SAMD4A: variants seen among roughly 807,000 people sequenced by gnomAD.
The protein encoded by SAMD4A is sterile alpha motif domain containing 4A.
SAMD4A carries 33 observed loss-of-function variants against 81.3 expected under a neutral mutation model. That is an observed-to-expected ratio of 0.41 (90% CI 0.31 to 0.54). The LOEUF (loss-of-function observed/expected upper bound fraction) is 0.54. Among genes scored for constraint, SAMD4A ranks in the 20% least tolerant of loss-of-function variants. SAMD4A has a pLI of 0.37. For missense variants in SAMD4A, 854 were observed against 951.1 expected, an observed-to-expected ratio of 0.90 and a Z score of 1.34; for synonymous variants, 389 against 382.1, an observed-to-expected ratio of 1.02 and a Z score of -0.21.
intron 2 of SAMD4A, among the ~76,000 whole-genome samples, chr14:54,658,715 C>G (rs1253552489): frequency 2.6e-5 from 4 of 152,206 alleles, no homozygotes; most frequent in Non-Finnish European, 5.9e-5. Context: ...CTCCGAATAC[C>G]GTGTCCACTG....
chr14:54,596,807 C>T (rs980495837), intron 2 of SAMD4A, among the ~76,000 whole-genome samples: 2 of 152,078 alleles, frequency 1.3e-5, no homozygotes, highest in Admixed American at 1.3e-4. Context: ...GGCAGCCTCC[C>T]AGGGCACACA....
intron 4 of SAMD4A, among the ~76,000 whole-genome samples, chr14:54,745,209 C>G (rs2037937848): frequency 6.6e-6 from 1 of 152,220 alleles, no homozygotes; most frequent in African/African-American, 2.4e-5. Flanking sequence ...TTCTGCTACT[C>G]AGGTTTCAGC....
chr14:54,654,176 G>C (rs1258340365), intron 2 of SAMD4A, among the ~76,000 whole-genome samples: 2 of 152,142 alleles, frequency 1.3e-5, no homozygotes, highest in African/African-American at 4.8e-5. Context: ...ACCCAAGCTT[G>C]AGCTCTTTCC....
At chr14:54,659,960 A>G (rs2035602854) in intron 2 of SAMD4A, among the ~76,000 whole-genome samples, 1 of 152,182 alleles carries the variant, frequency 6.6e-6, no homozygotes, top group Admixed American at 6.5e-5. Flanking sequence ...GCATGCCTGT[A>G]ATCCCAGCTA....
At chr14:54,734,628 A>G (rs574570710) in intron 3 of SAMD4A, among the ~76,000 whole-genome samples, 51 of 152,314 alleles carry the variant, frequency 3.3e-4, no homozygotes, top group African/African-American at 1.2e-3. Flanking sequence ...TCCAATCTCA[A>G]TAGCCAGTGA....
intron 2 of SAMD4A, among the ~76,000 whole-genome samples, chr14:54,572,824 T>C (rs1395476786): frequency 6.6e-6 from 1 of 152,238 alleles, no homozygotes; most frequent in African/African-American, 2.4e-5. Context: ...TGCCTTTAAT[T>C]AATATAGAAT....
At chr14:54,664,582 C>T (rs879620752) in intron 2 of SAMD4A, among the ~76,000 whole-genome samples, 19 of 152,010 alleles carry the variant, frequency 1.2e-4, no homozygotes, top group Admixed American at 1.2e-3. Context: ...CTCCCCACTT[C>T]CTTCTCTTCC....
chr14:54,595,000 A>T (rs1362926109), intron 2 of SAMD4A, among the ~76,000 whole-genome samples: 1 of 152,218 alleles, frequency 6.6e-6, no homozygotes, highest in Non-Finnish European at 1.5e-5. Flanking sequence ...GCAATGTGAA[A>T]TCCCATTTTA....
intron 2 of SAMD4A, among the ~76,000 whole-genome samples, chr14:54,620,545 G>C (rs553216842): frequency 6.6e-6 from 1 of 152,268 alleles, no homozygotes; most frequent in African/African-American, 2.4e-5. Context: ...GATTTATATG[G>C]CTCTGGCTCT....
In SAMD4A at chr14:54,718,496, C is replaced by T. The variant is rs191573520; in HGVS notation, c.715+15916C>T. Reference sequence around the variant, plus strand: ...AAATAGTGTGACTCTTAGTAAAAGGCCTGCTGAAACTCTTTGACCCAGATT... The same window carrying T: ...AAATAGTGTGACTCTTAGTAAAAGGTCTGCTGAAACTCTTTGACCCAGATT... On this transcript the variant is annotated intron_variant, in intron 3 of 12. Transcript: ENST00000554335. Among the ~76,000 whole-genome samples the T allele has an allele frequency of 1.7e-3, 257 of 152,306 alleles. 1 individual carries two copies. The highest frequency in any genetic ancestry group is 6.0e-3 in the African/African-American group (250 of 41,580).
In SAMD4A at chr14:54,593,657, C is replaced by T. The variant is rs2033840711; in HGVS notation, c.196+25545C>T. Among the ~76,000 whole-genome samples, 2 of 152,096 alleles carry T rather than the reference C, an allele frequency of 1.3e-5. 1 individual carries two copies. Among genetic ancestry groups the T allele is most frequent in the South Asian group, 4.1e-4 (2 of 4,828 alleles). On this transcript the variant is annotated intron_variant, in intron 2 of 12. Transcript: ENST00000554335. ...CTTAATTTTGATTGAAAAATGGCCCCCCTCTAAAGGCTGGAATAGTCACTA... is the reference window on the plus strand; with the variant it reads ...CTTAATTTTGATTGAAAAATGGCCCTCCTCTAAAGGCTGGAATAGTCACTA...
intron 3 of SAMD4A, among the ~76,000 whole-genome samples, chr14:54,725,887 C>T (rs1004062666): frequency 6.6e-6 from 1 of 152,210 alleles, no homozygotes; most frequent in East Asian, 1.9e-4. Context: ...TTGATGCCTA[C>T]CCCAACGTCA....
chr14:54,759,443 G>T (rs1253971374), intron 6 of SAMD4A, among the ~76,000 whole-genome samples: 1 of 152,100 alleles, frequency 6.6e-6, no homozygotes, highest in Non-Finnish European at 1.5e-5. Flanking sequence ...ACGCTCATTT[G>T]GGTCCCTGCC....
intron 2 of SAMD4A, among the ~76,000 whole-genome samples, chr14:54,599,764 T>C (rs2034006952): frequency 6.6e-6 from 1 of 152,208 alleles, no homozygotes; most frequent in Admixed American, 6.5e-5. Flanking sequence ...TAAGCTGATA[T>C]CATTGGTAGC....
intron 3 of SAMD4A, among the ~76,000 whole-genome samples, chr14:54,704,896 A>C (rs2036814761): frequency 6.6e-6 from 1 of 152,216 alleles, no homozygotes; most frequent in South Asian, 2.1e-4. Flanking sequence ...CCTTTGGGTC[A>C]CTTGTTCACT....
At chr14:54,665,933 T>C (rs966867131) in intron 2 of SAMD4A, among the ~76,000 whole-genome samples, 3 of 152,172 alleles carry the variant, frequency 2.0e-5, no homozygotes, top group African/African-American at 7.2e-5. Flanking sequence ...TCTGTTCTGA[T>C]AATAAAGAGA....
chr14:54,606,879 T>A (rs2034220508), intron 2 of SAMD4A, among the ~76,000 whole-genome samples: 1 of 152,230 alleles, frequency 6.6e-6, no homozygotes, highest in Non-Finnish European at 1.5e-5. Flanking sequence ...AACATGGTCT[T>A]CAGTGCTCCC....
chr14:54,717,195 T>G lies in SAMD4A; in HGVS notation c.715+14615T>G, dbSNP rs146313835. 5.3e-4 allele frequency among the ~76,000 whole-genome samples: 80 copies of G among 152,168 alleles called. 1 individual carries two copies. The South Asian group carries it at 9.5e-3, about 18-fold the overall frequency. ...ATGGCCCACACCTGTCATCCCAACATTTTGGGAGGCCGAGCGGGGAGGATT... is the reference window on the plus strand; with the variant it reads ...ATGGCCCACACCTGTCATCCCAACAGTTTGGGAGGCCGAGCGGGGAGGATT... On this transcript the variant is annotated intron_variant, in intron 3 of 12. Transcript: ENST00000554335.
intron 2 of SAMD4A, among the ~76,000 whole-genome samples, chr14:54,573,881 T>G (rs2033207856): frequency 6.6e-6 from 1 of 152,238 alleles, no homozygotes. Context: ...CTGCCTGCTT[T>G]TATGTAGGAA....
Sources: allele counts gnomAD v4.1 joint callset (sites outside exome capture counted in the v4.1 genomes callset), GRCh38; gene constraint gnomAD v4.1.1; transcripts MANE v1.5; gene names NCBI Gene and HGNC (gene_info 2026-07-23, HGNC 2026-07-21).